Variants in MET observed in about 807,000 individuals in gnomAD.
MET encodes the protein hepatocyte growth factor receptor.
In MET, 48 loss-of-function variants were observed where a neutral mutation model predicts 133.1. The ratio of observed to expected loss-of-function variants is 0.36; its 90% CI spans 0.29 to 0.46. The LOEUF is 0.46. MET is among the 20% of genes least tolerant of loss of function. The pLI is 1.00. For synonymous variants in MET, 628 were observed against 616.5 expected, an observed-to-expected ratio of 1.02 and a Z score of -0.28; for missense variants, 1,442 against 1,695.9, an observed-to-expected ratio of 0.85 and a Z score of 2.63.
chr7:116,689,954 G>A (rs1053614129), intron 1 of MET, among the ~76,000 whole-genome samples: 19 of 151,986 alleles, frequency 1.3e-4, no homozygotes, highest in Non-Finnish European at 2.2e-4. Flanking sequence ...CTGTCTTGGG[G>A]GGCAATTTTC....
rs770726789 is a variant in MET at position 116,740,160 on chromosome 7, C to T, written c.1527+76C>T. ...ATATTTACAACCAGTGTCACTTGGC[C>T]CTTTATAATGTCTCTCTTCATCTTA... On this transcript the variant is annotated intron_variant, in intron 4 of 20. Transcript: ENST00000397752. 55 of 1,526,608 alleles carry T rather than the reference C, an allele frequency of 3.6e-5. No homozygotes were observed. In the East Asian group the frequency reaches 1.1e-3, roughly 32 times the overall value. 94.6% of individuals were successfully genotyped at this position (1,526,608 alleles called of 1,614,324 possible). A position where few individuals can be genotyped will look rare whatever the true frequency, so the allele number is the denominator to read the frequency against.
chr7:116,793,832 G>A (rs1795590337), intron 19 of MET, among the ~76,000 whole-genome samples: 1 of 152,104 alleles, frequency 6.6e-6, no homozygotes, highest in South Asian at 2.1e-4. Context: ...CCGGGAGGAA[G>A]AGGTTGCAGT....
intron 1 of MET, among the ~76,000 whole-genome samples, chr7:116,680,087 G>A (rs574339494): frequency 2.6e-5 from 4 of 151,370 alleles, no homozygotes; most frequent in South Asian, 2.1e-4. Flanking sequence ...TTGAGGGGGC[G>A]GGGGGGTAAA....
At chr7:116,731,529 C>A in intron 2 of MET, 139 bp from the exon 3 acceptor site, 2 of 804,368 alleles carry the variant, frequency 2.5e-6, no homozygotes, top group Non-Finnish European at 2.0e-6. Context: ...AATATTTATG[C>A]CTATCTGTGG....
At chr7:116,769,099 C>CA (rs1794742372) in intron 11 of MET, among the ~76,000 whole-genome samples, 1 of 151,800 alleles carries the variant, frequency 6.6e-6, no homozygotes, top group Non-Finnish European at 1.5e-5. Flanking sequence ...CCAACTCAAA[C>CA]AAAAAAAGAA....
At chr7:116,742,490 G>A (rs1446315437) in intron 5 of MET, among the ~76,000 whole-genome samples, 5 of 152,202 alleles carry the variant, frequency 3.3e-5, no homozygotes, top group Non-Finnish European at 7.3e-5. Flanking sequence ...GAAAATATAT[G>A]TGTGTGTGCC....
Position 116,700,015 on chromosome 7 carries a change from A to C in MET, c.931A>C (p.Lys311Gln). ...TEKRKKRSTK[K>Q]EVFNILQAAY... ...AAAGAGAAAAAAGAGATCCACAAAGAAGGAAGTGTTTAATATACTTCAGGC... is the reference window on the plus strand; with the variant it reads ...AAAGAGAAAAAAGAGATCCACAAAGCAGGAAGTGTTTAATATACTTCAGGC... Residue 311 changes from lysine (K) to glutamine (Q), a missense_variant, in exon 2 of 21, where the codon AAG (lysine) becomes CAG (glutamine). Lys to Gln is a moderately conservative substitution (Grantham distance 53). Transcript: ENST00000397752. 6.2e-7 allele frequency: 1 copy of C among 1,614,070 alleles called. No individual in the cohort carries two copies. The highest frequency in any genetic ancestry group is 8.5e-7 in the Non-Finnish European group (1 of 1,179,974).
At chr7:116,713,781 C>G (rs895215214) in intron 2 of MET, among the ~76,000 whole-genome samples, 2 of 152,144 alleles carry the variant, frequency 1.3e-5, no homozygotes, top group African/African-American at 4.8e-5. Context: ...TATTGGGACA[C>G]AATTGAAGGA....
rs142881446 is a variant in MET, at chr7:116,712,450, A to G, written c.1200+12166A>G. Among the ~76,000 whole-genome samples, 44 of 152,340 alleles carry G rather than the reference A, an allele frequency of 2.9e-4. No individual in the cohort carries two copies. The East Asian group carries it at 7.3e-3, about 25-fold the overall frequency. ...TATCTCCACAGTCCCAGCACCTAAT[A>G]CAATAGCTTGAACAATATATACATT... On this transcript the variant is annotated intron_variant, in intron 2 of 20. Coordinates refer to ENST00000397752, the MANE Select transcript of MET (RefSeq NM_000245.4).
At chr7:116,747,931 A>G in intron 5 of MET, among the ~76,000 whole-genome samples, 1 of 152,216 alleles carries the variant, frequency 6.6e-6, no homozygotes, top group East Asian at 1.9e-4. Context: ...CACTACAATC[A>G]AATTAGAACT....
chr7:116,731,106 T>C (rs766141870), intron 2 of MET, among the ~76,000 whole-genome samples: 11 of 152,180 alleles, frequency 7.2e-5, no homozygotes, highest in Non-Finnish European at 1.3e-4. Flanking sequence ...CATGATTTTC[T>C]GAATACAGAA....
At chr7:116,724,715 C>A in intron 2 of MET, 10 of 838,940 alleles carry the variant, frequency 1.2e-5, no homozygotes, top group Non-Finnish European at 1.7e-5. Flanking sequence ...TTGGAAGCCA[C>A]CCGGTAGAGC....
intron 16 of MET, 126 bp from the exon 17 acceptor site, chr7:116,778,650 A>C: frequency 1.0e-6 from 1 of 997,950 alleles, no homozygotes; most frequent in Non-Finnish European, 1.5e-6. Context: ...AACACTCTGC[A>C]GTCAAACCCT....
chr7:116,763,330 A>G (rs1263935801), intron 11 of MET, 62 bp downstream of exon 11: 8 of 1,407,974 alleles, frequency 5.7e-6, no homozygotes, highest in Non-Finnish European at 8.0e-6. Context: ...CTTCATAGCT[A>G]TGTGAATACA....
At chr7:116,703,896 G>A (rs962958150) in intron 2 of MET, among the ~76,000 whole-genome samples, 11 of 152,014 alleles carry the variant, frequency 7.2e-5, no homozygotes, top group South Asian at 2.1e-4. Context: ...AATAGCTCTC[G>A]CCTCTCAGAA....
intron 2 of MET, among the ~76,000 whole-genome samples, chr7:116,727,752 T>G (rs1011390092): frequency 7.9e-5 from 12 of 152,180 alleles, no homozygotes; most frequent in Admixed American, 2.6e-4. Context: ...CCACCTTAAA[T>G]GCCACATCCA....
At chr7:116,689,830 G>A (rs910029798) in intron 1 of MET, among the ~76,000 whole-genome samples, 2 of 152,096 alleles carry the variant, frequency 1.3e-5, no homozygotes, top group African/African-American at 4.8e-5. Flanking sequence ...GAAGTGCTGG[G>A]ATTGCTGGCG....
chr7:116,755,209 A>T (rs1021892901), intron 5 of MET, 146 bp from the exon 6 acceptor site: 3 of 924,610 alleles, frequency 3.2e-6, no homozygotes, highest in East Asian at 5.3e-5. Context: ...TTTTCCCTTT[A>T]GTGAAAATTA....
In MET at chr7:116,672,487, A is replaced by T. The variant is rs890555557; in HGVS notation, c.-105A>T. The T allele has an allele frequency of 1.0e-5, 4 of 398,106 alleles. No individual in the cohort carries two copies. Among genetic ancestry groups the T allele is most frequent in the African/African-American group, 8.2e-5 (4 of 48,600 alleles). The allele number at this position is 398,106 out of a possible 1,614,324, so 24.7% of individuals were successfully genotyped here. ...GGGCGCGAGCCAGATGCGGGGCGAC[A>T]GCTGACTTGCTGAGAGGAGGCGGGG... On this transcript the variant is annotated 5_prime_UTR_variant, in exon 1 of 21. Transcript: ENST00000397752.
Sources: gnomAD v4.1 joint callset for allele counts (sites outside exome capture counted in the v4.1 genomes callset) on GRCh38, gnomAD v4.1.1 for gene constraint, MANE v1.5 for transcripts, NCBI Gene and HGNC (gene_info 2026-07-23, HGNC 2026-07-21) for gene names.